The following ARL10 variants were observed in gnomAD, a reference collection of about 807,000 sequenced individuals.
ARL10 encodes ARF like GTPase 10, also known as ADP-ribosylation factor-like protein 10.
In ARL10, 23 loss-of-function variants were observed where a neutral mutation model predicts 26.1. That is an observed-to-expected ratio of 0.88 (90% confidence interval 0.63 to 1.25). The LOEUF is 1.25. Ranked by LOEUF, ARL10 falls within the 50% of genes most tolerant of loss-of-function variation. The probability of loss-of-function intolerance (pLI) is 0.00; values close to 1 mark genes in which losing one functional copy is unlikely to be tolerated. For missense variants in ARL10, 300 were observed against 323.6 expected (o/e 0.93, Z 0.56); for synonymous variants, 138 against 149.1 (o/e 0.93, Z 0.54).
downstream of ARL10, among the ~76,000 whole-genome samples, chr5:176,402,954 A>G (rs1183329035): frequency 6.6e-6 from 1 of 152,126 alleles, no homozygotes; most frequent in Non-Finnish European, 1.5e-5. Context: ...AGATGCTGCC[A>G]GATGTGGGAG....
At position 176,372,003 on chromosome 5, in the gene ARL10, T is replaced by C. The variant is rs541449771; in HGVS notation, c.*108T>C. ...AAGAGCCACATGGCAGCATTTCCCTTTTCCCCTCCTTTGCCTTTCAAGAGC... is the reference window on the plus strand; with the variant it reads ...AAGAGCCACATGGCAGCATTTCCCTCTTCCCCTCCTTTGCCTTTCAAGAGC... On this transcript the variant is annotated 3_prime_UTR_variant, in exon 4 of 4. Transcript: ENST00000310389. 194 of 1,477,852 alleles carry C rather than the reference T, an allele frequency of 1.3e-4. No homozygotes were observed. In the East Asian group the frequency reaches 4.1e-3, roughly 31 times the overall value. 91.5% of individuals were successfully genotyped at this position (1,477,852 alleles called of 1,614,324 possible). A position where few individuals can be genotyped will look rare whatever the true frequency, so the allele number is the denominator to read the frequency against.
rs1305532223 is a variant in ARL10, at chr5:176,378,194, G to A, written c.*6299G>A. The A allele has an allele frequency of 6.6e-6, 1 of 152,232 alleles. No individual in the cohort carries two copies. Among genetic ancestry groups the A allele is most frequent in the Non-Finnish European group, 1.5e-5 (1 of 68,044 alleles). The allele number at this position is 152,232 out of a possible 1,614,324, so 9.4% of individuals were successfully genotyped here. A position where few individuals can be genotyped will look rare whatever the true frequency, so the allele number is the denominator to read the frequency against. On this transcript the variant is annotated 3_prime_UTR_variant, in exon 4 of 4. Transcript: ENST00000310389. ...TAACAATTTTGGTTTTCCACATCAGGTGCATTGCACTGTTAGATGGGTCAT... is the reference window on the plus strand; with the variant it reads ...TAACAATTTTGGTTTTCCACATCAGATGCATTGCACTGTTAGATGGGTCAT...
At chr5:176,385,247 C>A, downstream of ARL10, 1 of 1,611,744 alleles carries the variant, frequency 6.2e-7, no homozygotes, top group South Asian at 1.1e-5. Flanking sequence ...TGGTTCTCTA[C>A]CATGTAGCGT....
At chr5:176,404,722 C>T (rs1054864191), downstream of ARL10, among the ~76,000 whole-genome samples, 2 of 152,186 alleles carry the variant, frequency 1.3e-5, no homozygotes, top group African/African-American at 2.4e-5. Context: ...AGGGCTCACC[C>T]GAAACCTTTG....
chr5:176,403,759 G>T (rs1581436114), downstream of ARL10, among the ~76,000 whole-genome samples: 1 of 145,786 alleles, frequency 6.9e-6, no homozygotes. Context: ...GCCTGTTTTT[G>T]TGTGTGTGTG....
At chr5:176,398,146 C>T (rs1350779694) in intron 1 of ARL10, 2 of 983,318 alleles carry the variant, frequency 2.0e-6, no homozygotes, top group Non-Finnish European at 3.2e-6. Flanking sequence ...ATAACTCAGC[C>T]TCAAACAACC....
downstream of ARL10, chr5:176,405,662 C>T (rs1757074829): frequency 6.6e-6 from 1 of 152,014 alleles, no homozygotes; most frequent in Admixed American, 6.6e-5. Context: ...AACGTATAAA[C>T]CAAATGAATA....
chr5:176,394,831 T>G (rs527527282), intron 1 of ARL10, among the ~76,000 whole-genome samples: 9 of 151,626 alleles, frequency 5.9e-5, no homozygotes, highest in African/African-American at 2.2e-4. Flanking sequence ...AAAAAAAAGT[T>G]TGAGAAGCCC....
At position 176,373,449 on chromosome 5, in the gene ARL10, C is replaced by T. The variant is rs188420438; in HGVS notation, c.*1554C>T. 7.5e-4 allele frequency: 127 copies of T among 168,310 alleles called. No homozygotes were observed. Among genetic ancestry groups the T allele is most frequent in the African/African-American group, 3.0e-3 (125 of 42,272 alleles). The allele number at this position is 168,310 out of a possible 1,614,324, so 10.4% of individuals were successfully genotyped here. On this transcript the variant is annotated 3_prime_UTR_variant, in exon 4 of 4. Transcript: ENST00000310389. ...TTTTTTTTTTAAGAGGAGCTGTGCA[C>T]CTCAATTTGCTGTCTAGTTGAGAAT...
chr5:176,370,657 A>G (rs560598382), intron 3 of ARL10, among the ~76,000 whole-genome samples: 1 of 152,306 alleles, frequency 6.6e-6, no homozygotes, highest in South Asian at 2.1e-4. Context: ...TGGACCAGGA[A>G]TCACATCATG....
chr5:176,410,376 C>T, the ARL10 span: 4 of 1,290,924 alleles, frequency 3.1e-6, no homozygotes, highest in Admixed American at 7.4e-5. Context: ...CCTACATTAG[C>T]CCCTCAACCC....
chr5:176,404,798 C>T (rs141434949), downstream of ARL10, among the ~76,000 whole-genome samples: 6 of 152,288 alleles, frequency 3.9e-5, no homozygotes, highest in Admixed American at 1.3e-4. Flanking sequence ...AATGAGTGAC[C>T]GACCCTCTGT....
intron 2 of ARL10, among the ~76,000 whole-genome samples, chr5:176,367,364 G>A (rs1289068966): frequency 6.6e-6 from 1 of 151,936 alleles, no homozygotes; most frequent in African/African-American, 2.4e-5. Flanking sequence ...TGGAATGGCA[G>A]TGGGCAGTGG....
chr5:176,389,299 G>A (rs949585101), downstream of ARL10: 20 of 1,597,100 alleles, frequency 1.3e-5, no homozygotes, highest in Non-Finnish European at 1.7e-5. Flanking sequence ...GGCCCGACCT[G>A]CTGTTTCCCA....
In ARL10 at chr5:176,373,972, G is replaced by A. The variant is rs935175159; in HGVS notation, c.*2077G>A. On this transcript the variant is annotated 3_prime_UTR_variant, in exon 4 of 4. Transcript: ENST00000310389. Reference sequence around the variant, plus strand: ...CTTAGCACCAAAAGCAGTTCAGAATGCTCAGCCCCACAATGTGTGTAGGCT... The same window carrying A: ...CTTAGCACCAAAAGCAGTTCAGAATACTCAGCCCCACAATGTGTGTAGGCT... 7.2e-5 allele frequency: 11 copies of A among 152,244 alleles called. No homozygotes were observed. Among genetic ancestry groups the A allele is most frequent in the African/African-American group, 1.9e-4 (8 of 41,458 alleles). The allele number at this position is 152,244 out of a possible 1,614,324, so 9.4% of individuals were successfully genotyped here.
rs1020374263 is a variant in ARL10, at chr5:176,378,110, A to G, written c.*6215A>G. On this transcript the variant is annotated 3_prime_UTR_variant, in exon 4 of 4. Coordinates refer to ENST00000310389, the MANE Select transcript of ARL10 (RefSeq NM_173664.6). ...AAGTTTCAAGGGCTCAGGAAGGACC[A>G]GGGGGCCATCTAGGCTCTCCATGAG... The G allele has an allele frequency of 2.0e-5, 3 of 152,226 alleles. No homozygotes were observed. The highest frequency in any genetic ancestry group is 7.2e-5 in the African/African-American group (3 of 41,454). The allele number at this position is 152,226 out of a possible 1,614,324, so 9.4% of individuals were successfully genotyped here. A position where few individuals can be genotyped will look rare whatever the true frequency, so the allele number is the denominator to read the frequency against.
At chr5:176,396,190 G>A (rs1170756735) in intron 1 of ARL10, among the ~76,000 whole-genome samples, 1 of 152,082 alleles carries the variant, frequency 6.6e-6, no homozygotes, top group Non-Finnish European at 1.5e-5. Flanking sequence ...CACAGAGGGA[G>A]GGAGTTGGGG....
In ARL10 at chr5:176,381,826, C is replaced by CT. The variant is rs1374861766; in HGVS notation, c.*9932dup. On this transcript the variant is annotated 3_prime_UTR_variant, in exon 4 of 4. Transcript: ENST00000310389. ...CCCTTTTTACCTAATGAAGATCTGT[C>CT]TGAGTCTAATGAATATATTGTACAA... 6.6e-6 allele frequency: 1 copy of CT among 152,208 alleles called. No homozygotes were observed. The highest frequency in any genetic ancestry group is 2.4e-5 in the African/African-American group (1 of 41,452). 9.4% of individuals were successfully genotyped at this position (152,208 alleles called of 1,614,324 possible). A position where few individuals can be genotyped will look rare whatever the true frequency, so the allele number is the denominator to read the frequency against.
rs1768711438 is a variant in ARL10 at position 176,377,297 on chromosome 5, A to G, written c.*5402A>G. On this transcript the variant is annotated 3_prime_UTR_variant, in exon 4 of 4. Transcript: ENST00000310389. This position sits in a 1 kb window ranked among gnomAD's most constrained non-coding sequence, Gnocchi z 4.5. Reference sequence around the variant, plus strand: ...ATATTTGTCCTTTTGACCTTTCCAGAAGACTGAGGGTGAAAGGGACAATGG... The same window carrying G: ...ATATTTGTCCTTTTGACCTTTCCAGGAGACTGAGGGTGAAAGGGACAATGG... The G allele has an allele frequency of 6.6e-6, 1 of 152,246 alleles. No individual in the cohort carries two copies. The highest frequency in any genetic ancestry group is 1.5e-5 in the Non-Finnish European group (1 of 68,050). 9.4% of individuals were successfully genotyped at this position (152,246 alleles called of 1,614,324 possible).
Sources: allele counts gnomAD v4.1 joint callset (sites outside exome capture counted in the v4.1 genomes callset), GRCh38; gene constraint gnomAD v4.1.1; non-coding constraint Gnocchi (gnomAD v3.1); transcripts MANE v1.5; gene names NCBI Gene and HGNC (gene_info 2026-07-23, HGNC 2026-07-21).